Variants in FSTL4 observed in about 807,000 individuals in gnomAD.
The protein encoded by FSTL4 is follistatin-related protein 4.
A neutral mutation model predicts 78.2 loss-of-function variants in FSTL4; 28 were observed. The ratio of observed to expected loss-of-function variants is 0.36; its 90% CI spans 0.27 to 0.49. FSTL4 has a LOEUF of 0.49. Among genes scored for constraint, FSTL4 ranks in the 20% least tolerant of loss-of-function variants. The pLI is 0.98. For synonymous variants in FSTL4, 422 were observed against 440.5 expected, an observed-to-expected ratio of 0.96 and a Z score of 0.53; for missense variants, 922 against 1,084.9, an observed-to-expected ratio of 0.85 and a Z score of 2.11.
chr5:133,335,269 A>G (rs866405939), intron 4 of FSTL4, among the ~76,000 whole-genome samples: 32 of 152,252 alleles, frequency 2.1e-4, no homozygotes, highest in Middle Eastern at 6.8e-3. Flanking sequence ...CCAATGTGTA[A>G]GGCCTGAGGA....
chr5:133,245,688 C>T (rs1206204531), intron 7 of FSTL4, among the ~76,000 whole-genome samples: 1 of 152,170 alleles, frequency 6.6e-6, no homozygotes, highest in Non-Finnish European at 1.5e-5. Flanking sequence ...GTGAGTCAAC[C>T]CAAATGATGA....
rs1757410323 is a variant in FSTL4, at chr5:133,452,769, C to T, written c.161-51783G>A. Among the ~76,000 whole-genome samples, 3 of 152,226 alleles carry T rather than the reference C, an allele frequency of 2.0e-5. No individual in the cohort carries two copies. The East Asian group carries it at 5.8e-4, about 29-fold the overall frequency. ...GCCCCAGTGGATGCTCTTCCAGGGA[C>T]CCCAGGCAGCTGAGTGGAGTGTCCT... On this transcript the variant is annotated intron_variant, in intron 3 of 15. Transcript: ENST00000265342.
the FSTL4 span, among the ~76,000 whole-genome samples, chr5:133,743,197 CT>C: frequency 6.6e-6 from 1 of 152,112 alleles, no homozygotes; most frequent in Non-Finnish European, 1.5e-5. Context: ...AGTCCAAGCT[CT>C]CATTTCGTAA....
chr5:133,609,151 G>T (rs1168037699), intron 1 of FSTL4, among the ~76,000 whole-genome samples: 1 of 152,116 alleles, frequency 6.6e-6, no homozygotes, highest in Non-Finnish European at 1.5e-5. Context: ...TAATCAACAG[G>T]ACCAGAAATT....
At chr5:133,526,671 C>T (rs1459071151) in intron 3 of FSTL4, among the ~76,000 whole-genome samples, 2 of 152,036 alleles carry the variant, frequency 1.3e-5, no homozygotes, top group Non-Finnish European at 2.9e-5. Flanking sequence ...TGTGAAGTGG[C>T]GCTATGCAGG....
intron 4 of FSTL4, among the ~76,000 whole-genome samples, chr5:133,372,828 C>T (rs917689887): frequency 3.9e-5 from 6 of 152,142 alleles, no homozygotes; most frequent in African/African-American, 7.2e-5. Flanking sequence ...ATATACAGGC[C>T]GGGCACTCTG....
intron 4 of FSTL4, among the ~76,000 whole-genome samples, chr5:133,353,614 C>G (rs1561683479): frequency 1.3e-5 from 2 of 152,172 alleles, no homozygotes; most frequent in African/African-American, 2.4e-5. Flanking sequence ...GTGGGACAAC[C>G]AGAGTCATAC....
At chr5:133,558,635 T>C (rs1001101958) in intron 3 of FSTL4, among the ~76,000 whole-genome samples, 6 of 152,168 alleles carry the variant, frequency 3.9e-5, no homozygotes, top group Admixed American at 1.3e-4. Flanking sequence ...GTTTTTGTTT[T>C]TTTTTTTCTT....
intron 4 of FSTL4, among the ~76,000 whole-genome samples, chr5:133,340,158 C>T (rs1230835476): frequency 1.3e-5 from 2 of 152,172 alleles, no homozygotes; most frequent in Non-Finnish European, 2.9e-5. Flanking sequence ...GCCTCATTTC[C>T]TCATCTGTCA....
At chr5:133,277,712 A>C (rs1752914228) in intron 6 of FSTL4, among the ~76,000 whole-genome samples, 1 of 152,100 alleles carries the variant, frequency 6.6e-6, no homozygotes, top group South Asian at 2.1e-4. Flanking sequence ...GATGCTCTGG[A>C]TAAAGCAGCC....
the FSTL4 span, among the ~76,000 whole-genome samples, chr5:133,678,635 G>A: frequency 2.0e-5 from 3 of 152,096 alleles, no homozygotes; most frequent in Non-Finnish European, 4.4e-5. Flanking sequence ...TGCCACTGAG[G>A]CATACAAGTG....
chr5:133,224,119 G>A (rs888316331), intron 11 of FSTL4, 71 bp downstream of exon 11: 9 of 1,258,776 alleles, frequency 7.1e-6, no homozygotes, highest in Non-Finnish European at 1.0e-5. Flanking sequence ...GGCAGATCAT[G>A]GAAAGACGGC....
intron 6 of FSTL4, among the ~76,000 whole-genome samples, chr5:133,274,390 T>TTTTTTTTTTTTC (rs1370000847): frequency 6.8e-6 from 1 of 147,742 alleles, no homozygotes; most frequent in Non-Finnish European, 1.5e-5. Context: ...CTTTTTTTTT[T>TTTTTTTTTTTTC]TTTTTTAGGA....
chr5:133,806,509 G>T, the FSTL4 span, among the ~76,000 whole-genome samples: 1 of 152,190 alleles, frequency 6.6e-6, no homozygotes, highest in Non-Finnish European at 1.5e-5. Context: ...ATTTTGTCCT[G>T]ATTATTTGTT....
intron 3 of FSTL4, chr5:133,427,712 T>C (rs1561713184): frequency 1.9e-6 from 1 of 513,536 alleles, no homozygotes; most frequent in Non-Finnish European, 4.1e-6. Flanking sequence ...CGTGGCTGAG[T>C]TAGGTTACAA....
intron 6 of FSTL4, among the ~76,000 whole-genome samples, chr5:133,299,503 T>C (rs116006455): frequency 0.021 from 3,241 of 151,872 alleles, 103 homozygotes; most frequent in African/African-American, 0.074. Context: ...CTGTGGAGAG[T>C]CTGGCATGAA....
chr5:133,508,761 C>T (rs1470773050), intron 3 of FSTL4, among the ~76,000 whole-genome samples: 1 of 152,192 alleles, frequency 6.6e-6, no homozygotes, highest in African/African-American at 2.4e-5. Flanking sequence ...AAGCAAATAG[C>T]TTTAAAATAG....
At chr5:133,428,895 G>A (rs1387301178) in intron 3 of FSTL4, among the ~76,000 whole-genome samples, 1 of 152,176 alleles carries the variant, frequency 6.6e-6, no homozygotes, top group Non-Finnish European at 1.5e-5. Context: ...TTTCCGTTAT[G>A]GTGTGAAATG....
At chr5:133,358,396 G>A (rs1288577030) in intron 4 of FSTL4, among the ~76,000 whole-genome samples, 2 of 152,040 alleles carry the variant, frequency 1.3e-5, no homozygotes, top group Non-Finnish European at 2.9e-5. Context: ...AGGAATGACG[G>A]CCTTACGTGT....
Sources: allele counts gnomAD v4.1 joint callset (sites outside exome capture counted in the v4.1 genomes callset), GRCh38; gene constraint gnomAD v4.1.1; transcripts MANE v1.5; gene names NCBI Gene and HGNC (gene_info 2026-07-23, HGNC 2026-07-21).